TOX: variants seen among roughly 807,000 people sequenced by gnomAD.
TOX encodes thymocyte selection-associated high mobility group box protein TOX.
In TOX, 11 loss-of-function variants were observed where a neutral mutation model predicts 53.7. The ratio of observed to expected loss-of-function variants is 0.20; its 90% CI spans 0.13 to 0.34. The LOEUF (loss-of-function observed/expected upper bound fraction) is 0.34. Ranked by LOEUF, TOX falls within the 10% of genes least tolerant of loss-of-function variation. The pLI is 1.00. For synonymous variants in TOX, 225 were observed against 245.3 expected, an observed-to-expected ratio of 0.92 and a Z score of 0.77; for missense variants, 570 against 664.6, an observed-to-expected ratio of 0.86 and a Z score of 1.56.
intron 2 of TOX, among the ~76,000 whole-genome samples, chr8:58,952,889 A>C (rs1041314765): frequency 6.6e-6 from 1 of 152,208 alleles, no homozygotes; most frequent in Non-Finnish European, 1.5e-5. Context: ...CAGCAGCCTC[A>C]TTAGTGTCAA....
chr8:58,871,584 T>C (rs1251542702), intron 3 of TOX, among the ~76,000 whole-genome samples: 1 of 152,156 alleles, frequency 6.6e-6, no homozygotes, highest in Admixed American at 6.6e-5. Flanking sequence ...AAAAGAATTG[T>C]ACATAAGCAC....
intron 1 of TOX, among the ~76,000 whole-genome samples, chr8:59,002,607 C>CAA (rs140801735): frequency 0.011 from 1,606 of 145,398 alleles, 19 homozygotes; most frequent in Non-Finnish European, 0.014. Flanking sequence ...ACAACAACAA[C>CAA]AAAAAAAAAA....
chr8:58,892,787 G>A (rs1219790511), intron 3 of TOX, among the ~76,000 whole-genome samples: 2 of 152,126 alleles, frequency 1.3e-5, no homozygotes, highest in East Asian at 3.8e-4. Context: ...CTTCATTTCT[G>A]CATTAATTCT....
intron 3 of TOX, among the ~76,000 whole-genome samples, chr8:58,887,800 C>G (rs959440236): frequency 6.6e-6 from 1 of 151,758 alleles, no homozygotes; most frequent in Admixed American, 6.6e-5. Context: ...GGTTTTTATA[C>G]GTTTTATATA....
intron 5 of TOX, among the ~76,000 whole-genome samples, chr8:58,832,423 C>T (rs572646832): frequency 6.6e-5 from 10 of 152,028 alleles, no homozygotes; most frequent in Non-Finnish European, 1.5e-4. Flanking sequence ...CCAAGATAAA[C>T]ACATGTGTGA....
chr8:58,951,266 A>G (rs910367266), intron 2 of TOX, among the ~76,000 whole-genome samples: 1 of 152,202 alleles, frequency 6.6e-6, no homozygotes, highest in African/African-American at 2.4e-5. Context: ...TGTAAGGATC[A>G]AATGAAAAAA....
At chr8:58,912,085 C>T (rs1811919141) in intron 3 of TOX, among the ~76,000 whole-genome samples, 1 of 152,182 alleles carries the variant, frequency 6.6e-6, no homozygotes, top group Non-Finnish European at 1.5e-5. Flanking sequence ...TCAGAGAGTA[C>T]CACTGAAATG....
chr8:58,995,743 C>A (rs2129417703), intron 1 of TOX, among the ~76,000 whole-genome samples: 1 of 152,330 alleles, frequency 6.6e-6, no homozygotes, highest in Admixed American at 6.5e-5. Context: ...TGCTGGTCGT[C>A]TTTTCCATCA....
At chr8:59,081,410 T>A (rs1039602811) in intron 1 of TOX, among the ~76,000 whole-genome samples, 1 of 152,130 alleles carries the variant, frequency 6.6e-6, no homozygotes, top group African/African-American at 2.4e-5. Flanking sequence ...CATAAATGAG[T>A]TGAGAGATGG....
chr8:58,960,211 C>T (rs1399464004), intron 1 of TOX, among the ~76,000 whole-genome samples: 1 of 152,120 alleles, frequency 6.6e-6, no homozygotes, highest in African/African-American at 2.4e-5. Flanking sequence ...CCCTGGATGT[C>T]AGTGATTTGG....
chr8:58,902,527 T>C (rs1189351011), intron 3 of TOX, among the ~76,000 whole-genome samples: 1 of 152,158 alleles, frequency 6.6e-6, no homozygotes, highest in African/African-American at 2.4e-5. Flanking sequence ...ATGTCAAACC[T>C]GGAGGCATCT....
chr8:59,057,054 T>C (rs1803900735), intron 1 of TOX, among the ~76,000 whole-genome samples: 2 of 152,194 alleles, frequency 1.3e-5, no homozygotes, highest in South Asian at 2.1e-4. Context: ...CCCAAAGCAG[T>C]GCTGTCTCCC....
At chr8:58,826,717 G>T in intron 6 of TOX, 105 bp downstream of exon 6, 1 of 944,320 alleles carries the variant, frequency 1.1e-6, no homozygotes, top group Non-Finnish European at 1.5e-6. Context: ...CAACAAAGAA[G>T]ATTGTGCAGA....
At chr8:59,095,552 G>A (rs1205731253) in intron 1 of TOX, among the ~76,000 whole-genome samples, 7 of 151,966 alleles carry the variant, frequency 4.6e-5, no homozygotes, top group East Asian at 1.9e-4. Context: ...GATTACAGGC[G>A]TGCACCACCA....
intron 3 of TOX, among the ~76,000 whole-genome samples, chr8:58,889,560 T>C (rs1244701254): frequency 1.3e-5 from 2 of 152,036 alleles, no homozygotes; most frequent in Admixed American, 6.6e-5. Context: ...TTGAACAATG[T>C]GAATGTTTTA....
intron 3 of TOX, among the ~76,000 whole-genome samples, chr8:58,880,794 G>A (rs1266479676): frequency 6.6e-6 from 1 of 152,094 alleles, no homozygotes; most frequent in South Asian, 2.1e-4. Context: ...GCTTAACATC[G>A]CATTACTTGA....
At chr8:59,054,440 A>G (rs1803848955) in intron 1 of TOX, among the ~76,000 whole-genome samples, 1 of 152,148 alleles carries the variant, frequency 6.6e-6, no homozygotes, top group Non-Finnish European at 1.5e-5. Flanking sequence ...CTATCCTTAG[A>G]GTTGTGAGTT....
At chr8:58,929,779 G>C (rs10108216) in intron 3 of TOX, among the ~76,000 whole-genome samples, 1,980 of 152,190 alleles carry the variant, frequency 0.013, 57 homozygotes, top group African/African-American at 0.046. Flanking sequence ...AATAACATGA[G>C]TCATATGGGC....
chr8:58,905,538 C>T (rs951962645), intron 3 of TOX, among the ~76,000 whole-genome samples: 1 of 152,204 alleles, frequency 6.6e-6, no homozygotes, highest in Non-Finnish European at 1.5e-5. Flanking sequence ...TACCAGTAAA[C>T]TGTCTCCTTG....
Sources: allele counts gnomAD v4.1 joint callset (sites outside exome capture counted in the v4.1 genomes callset), GRCh38; gene constraint gnomAD v4.1.1; transcripts MANE v1.5; gene names NCBI Gene and HGNC (gene_info 2026-07-23, HGNC 2026-07-21).